The following CACNG3 variants were observed in gnomAD, a reference collection of about 807,000 sequenced individuals.
The protein encoded by CACNG3 is calcium voltage-gated channel auxiliary subunit gamma 3.
Under a neutral mutation model 28.5 loss-of-function variants are expected in CACNG3, and 3 were observed. The observed-to-expected ratio is 0.11, with a 90% CI of 0.05 to 0.27. The LOEUF is 0.27. Among genes scored for constraint, CACNG3 ranks in the 10% least tolerant of loss-of-function variants. CACNG3 has a pLI of 1.00. For synonymous variants in CACNG3, 174 were observed against 162.2 expected (o/e 1.07, Z -0.55); for missense variants, 236 against 414.4 (o/e 0.57, Z 3.74).
At chr16:24,339,971 T>C (rs576521672) in intron 1 of CACNG3, among the ~76,000 whole-genome samples, 2 of 152,236 alleles carry the variant, frequency 1.3e-5, no homozygotes, top group South Asian at 4.2e-4. Context: ...TGAATATGGT[T>C]AACAATAACT....
rs1596646419 is a variant in CACNG3 at position 24,333,213 on chromosome 16, A to G, written c.212-13521A>G. Among the ~76,000 whole-genome samples, 3 of 152,118 alleles carry G rather than the reference A, an allele frequency of 2.0e-5. No homozygotes were observed. In the South Asian group the frequency reaches 6.2e-4, roughly 32 times the overall value. On this transcript the variant is annotated intron_variant, in intron 1 of 3. Transcript: ENST00000005284. Reference sequence around the variant, plus strand: ...AAATTATGCATGCCCCAACCCTGCCACTCCGAAATCAACAAAGCTTACTTT... The same window carrying G: ...AAATTATGCATGCCCCAACCCTGCCGCTCCGAAATCAACAAAGCTTACTTT...
At chr16:24,312,374 T>A (rs146929673) in intron 1 of CACNG3, among the ~76,000 whole-genome samples, 88 of 152,328 alleles carry the variant, frequency 5.8e-4, no homozygotes, top group African/African-American at 2.1e-3. Flanking sequence ...AAAGTCAGAT[T>A]ACCTGGGTTC....
chr16:24,340,880 C>T (rs1473770443), intron 1 of CACNG3, among the ~76,000 whole-genome samples: 3 of 152,222 alleles, frequency 2.0e-5, no homozygotes, highest in East Asian at 3.8e-4. Context: ...CTGTAACCAC[C>T]GGATCCGTCA....
chr16:24,312,945 AAGAAAGAAAG>A lies in CACNG3; in HGVS notation c.212-33777_212-33768del, dbSNP rs1386720615. On this transcript the variant is annotated intron_variant, in intron 1 of 3. Coordinates refer to ENST00000005284, the MANE Select transcript of CACNG3 (RefSeq NM_006539.4). ...GAAGAAAGAAAGAAAGAAAGAAAGA[AAGAAAGAAAG>A]AGAAAGAAAGAAAAGAAAGAAAGAA... Among the ~76,000 whole-genome samples, 289 of 104,598 alleles carry A rather than the reference AAGAAAGAAAG, an allele frequency of 2.8e-3. 2 individuals carry two copies. The highest frequency in any genetic ancestry group is 9.6e-3 in the African/African-American group (273 of 28,512). 68.6% of individuals were successfully genotyped at this position (104,598 alleles called of 152,430 possible). A position where few individuals can be genotyped will look rare whatever the true frequency, so the allele number is the denominator to read the frequency against.
chr16:24,288,590 G>A (rs1026567188), intron 1 of CACNG3, among the ~76,000 whole-genome samples: 1 of 152,218 alleles, frequency 6.6e-6, no homozygotes, highest in Non-Finnish European at 1.5e-5. Context: ...TATATCTACT[G>A]TCTTTTCCCC....
intron 1 of CACNG3, among the ~76,000 whole-genome samples, chr16:24,268,903 C>T (rs1898648436): frequency 6.6e-6 from 1 of 152,188 alleles, no homozygotes; most frequent in South Asian, 2.1e-4. Context: ...TACCCTCATC[C>T]TCAACTCCAG....
chr16:24,322,621 G>A (rs1040317883), intron 1 of CACNG3, among the ~76,000 whole-genome samples: 7 of 151,880 alleles, frequency 4.6e-5, no homozygotes, highest in Admixed American at 3.9e-4. Context: ...CCCTCCTAAA[G>A]CACTTTTAAG....
intron 2 of CACNG3, among the ~76,000 whole-genome samples, chr16:24,347,476 A>C (rs532325829): frequency 6.6e-6 from 1 of 152,284 alleles, no homozygotes; most frequent in South Asian, 2.1e-4. Context: ...AATCTAAGGA[A>C]CTTTCTCTAA....
chr16:24,301,671 G>A (rs1214748552), intron 1 of CACNG3, among the ~76,000 whole-genome samples: 1 of 152,178 alleles, frequency 6.6e-6, no homozygotes, highest in Non-Finnish European at 1.5e-5. Flanking sequence ...ATCGCACAAG[G>A]TACAAGGGAA....
intron 3 of CACNG3, among the ~76,000 whole-genome samples, chr16:24,356,221 C>T (rs1169994081): frequency 6.6e-6 from 1 of 152,100 alleles, no homozygotes; most frequent in Non-Finnish European, 1.5e-5. Flanking sequence ...TGATGACTTT[C>T]AAACTTTGCA....
chr16:24,277,548 G>A lies in CACNG3; in HGVS notation c.211+20583G>A, dbSNP rs145824814. On this transcript the variant is annotated intron_variant, in intron 1 of 3. Coordinates refer to ENST00000005284, the MANE Select transcript of CACNG3 (RefSeq NM_006539.4). Reference sequence around the variant, plus strand: ...CCAGCACTTTGGGAGGCCGAGGTGCGCGGATCACTTGAGGTCAGGAGTTCG... The same window carrying A: ...CCAGCACTTTGGGAGGCCGAGGTGCACGGATCACTTGAGGTCAGGAGTTCG... 6.6e-3 allele frequency among the ~76,000 whole-genome samples: 1,009 copies of A among 152,220 alleles called. 7 individuals are homozygous for A. Among genetic ancestry groups the A allele is most frequent in the African/African-American group, 0.023 (963 of 41,540 alleles).
intron 1 of CACNG3, among the ~76,000 whole-genome samples, chr16:24,301,394 G>A (rs181925891): frequency 2.6e-5 from 4 of 152,220 alleles, no homozygotes; most frequent in Admixed American, 6.5e-5. Flanking sequence ...TAGATTCTGT[G>A]GAGGTTGAAG....
intron 1 of CACNG3, among the ~76,000 whole-genome samples, chr16:24,340,178 G>A (rs553408986): frequency 6.6e-6 from 1 of 152,062 alleles, no homozygotes. Context: ...GGCTGAGGTG[G>A]GAGGATCGCT....
rs76007845 is a variant in CACNG3, at chr16:24,297,719, A to G, written c.211+40754A>G. On this transcript the variant is annotated intron_variant, in intron 1 of 3. Transcript: ENST00000005284. Reference sequence around the variant, plus strand: ...AGAGTCATCTAAGAACAGAAGCATAAGGGATGGATGGGGAGGGGGTGCTGT... The same window carrying G: ...AGAGTCATCTAAGAACAGAAGCATAGGGGATGGATGGGGAGGGGGTGCTGT... 1.5e-3 allele frequency among the ~76,000 whole-genome samples: 222 copies of G among 152,272 alleles called. 1 individual carries two copies. The highest frequency in any genetic ancestry group is 5.1e-3 in the African/African-American group (213 of 41,560).
intron 1 of CACNG3, among the ~76,000 whole-genome samples, chr16:24,295,766 T>C (rs1337572123): frequency 6.6e-6 from 1 of 152,116 alleles, no homozygotes; most frequent in South Asian, 2.1e-4. Flanking sequence ...GCAGGATTGC[T>C]TGGGCCTGGG....
chr16:24,297,326 T>G (rs1199427615), intron 1 of CACNG3, among the ~76,000 whole-genome samples: 1 of 152,038 alleles, frequency 6.6e-6, no homozygotes, highest in African/African-American at 2.4e-5. Context: ...GTCCCCCTCC[T>G]CCAGACCAAT....
chr16:24,258,654 C>A (rs574145676), intron 1 of CACNG3, among the ~76,000 whole-genome samples: 1 of 152,266 alleles, frequency 6.6e-6, no homozygotes, highest in South Asian at 2.1e-4. Flanking sequence ...TTCCATATTT[C>A]CCTTTCTTAT....
At chr16:24,277,757 G>C (rs1210694844) in intron 1 of CACNG3, among the ~76,000 whole-genome samples, 1 of 146,008 alleles carries the variant, frequency 6.8e-6, no homozygotes, top group Non-Finnish European at 1.5e-5. Context: ...TCCAGTCTGG[G>C]TGACAGAGCA....
intron 1 of CACNG3, among the ~76,000 whole-genome samples, chr16:24,337,661 A>G (rs1051720738): frequency 6.6e-6 from 1 of 150,890 alleles, no homozygotes; most frequent in African/African-American, 2.4e-5. Flanking sequence ...TAATAATAAT[A>G]ATAATAATAA....
Sources: gnomAD v4.1 joint callset for allele counts (sites outside exome capture counted in the v4.1 genomes callset) on GRCh38, gnomAD v4.1.1 for gene constraint, MANE v1.5 for transcripts, NCBI Gene and HGNC (gene_info 2026-07-23, HGNC 2026-07-21) for gene names.